BRME1: variants seen among roughly 807,000 people sequenced by gnomAD.
The protein encoded by BRME1 is BRCA2 and MEILB2-associating protein 1.
A neutral mutation model predicts 52.6 loss-of-function variants in BRME1; 31 were observed. The ratio of observed to expected loss-of-function variants is 0.59; its 90% CI spans 0.44 to 0.80. BRME1 has a LOEUF of 0.80. Ranked by LOEUF, BRME1 falls within the 30% of genes least tolerant of loss-of-function variation. BRME1 has a pLI of 0.00. For synonymous variants in BRME1, 359 were observed against 353.6 expected (o/e 1.02, Z -0.17); for missense variants, 804 against 860.3 (o/e 0.93, Z 0.82).
intron 2 of BRME1, among the ~76,000 whole-genome samples, chr19:13,900,527 C>A (rs1376423718): frequency 2.0e-5 from 3 of 152,190 alleles, no homozygotes; most frequent in Non-Finnish European, 4.4e-5. Context: ...TCTCCTGTCC[C>A]ATATCTTGGG....
chr19:13,904,771 A>G, intron 2 of BRME1, 91 bp downstream of exon 2: 1 of 1,344,352 alleles, frequency 7.4e-7, no homozygotes, highest in East Asian at 2.3e-5. Flanking sequence ...AGGTTAAGGC[A>G]GTCGTGTTAG....
At chr19:13,891,375 C>T (rs150203313) in intron 5 of BRME1, among the ~76,000 whole-genome samples, 2 of 152,126 alleles carry the variant, frequency 1.3e-5, no homozygotes, top group East Asian at 3.9e-4. Flanking sequence ...TCTCAAACTA[C>T]AGACCTCAGG....
intron 4 of BRME1, 32 bp downstream of exon 4, chr19:13,893,110 T>C: frequency 6.4e-7 from 1 of 1,568,964 alleles, no homozygotes; most frequent in Non-Finnish European, 8.7e-7. Context: ...CAGTGGTGCT[T>C]CTATATCCAC....
intron 7 of BRME1, 105 bp downstream of exon 7, chr19:13,885,856 C>T (rs920237643): frequency 1.3e-5 from 12 of 935,250 alleles, no homozygotes; most frequent in Middle Eastern, 2.3e-4. Context: ...CTGAGGAAGT[C>T]GAGGCCCAGG....
chr19:13,883,012 CCGCGCCTCA>C lies in BRME1; in HGVS notation c.1857-69_1857-61del. ...AGTGGTCACCAGGTGACAGAGGGGG[CCGCGCCTCA>C]CAGCCACATGGTCACCAATGACTCA... On this transcript the variant is annotated intron_variant, in intron 8 of 8. Coordinates refer to ENST00000586783, the MANE Select transcript of BRME1 (RefSeq NM_001345843.2). The surrounding 1 kb of genome is among the most constrained non-coding windows in gnomAD (Gnocchi z 4.2). 6.4e-7 allele frequency: 1 copy of C among 1,568,776 alleles called. No individual in the cohort carries two copies. Among genetic ancestry groups the C allele is most frequent in the Non-Finnish European group, 8.6e-7 (1 of 1,157,998 alleles).
intron 3 of BRME1, among the ~76,000 whole-genome samples, chr19:13,893,901 A>G (rs962487587): frequency 6.9e-6 from 1 of 144,616 alleles, no homozygotes; most frequent in Admixed American, 6.8e-5. Flanking sequence ...TGGGTGACAG[A>G]GCAAGACCCT....
intron 2 of BRME1, among the ~76,000 whole-genome samples, chr19:13,903,493 TGA>T (rs1458853929): frequency 1.3e-5 from 2 of 152,028 alleles, no homozygotes; most frequent in Non-Finnish European, 2.9e-5. Context: ...GCCAACATTG[TGA>T]AACCCTATCC....
In BRME1 at chr19:13,890,404, A is replaced by G; in HGVS notation, c.452T>C (p.Leu151Pro). Residue 151 changes from leucine (L) to proline (P), a missense_variant, in exon 6 of 9, where the codon CTG becomes CCG. By Grantham distance (98) the Leu-to-Pro change is moderately conservative. Coordinates refer to ENST00000586783, the MANE Select transcript of BRME1 (RefSeq NM_001345843.2). ...CGTGGCCTCCTGGAGGGGGACCCCCAGGGTCTCCACTAGCAGCTGGCATCC... is the reference window on the plus strand; with the variant it reads ...CGTGGCCTCCTGGAGGGGGACCCCCGGGGTCTCCACTAGCAGCTGGCATCC... ...SPGCQLLVET[L>P]GVPLQEATEL... is the part of the protein sequence containing the mutation. 6.6e-7 allele frequency: 1 copy of G among 1,524,522 alleles called. No individual in the cohort carries two copies. Among genetic ancestry groups the G allele is most frequent in the Non-Finnish European group, 8.7e-7 (1 of 1,143,550 alleles). 94.4% of individuals were successfully genotyped at this position (1,524,522 alleles called of 1,614,324 possible). A position where few individuals can be genotyped will look rare whatever the true frequency, so the allele number is the denominator to read the frequency against.
chr19:13,904,566 C>T (rs1389531862), intron 2 of BRME1, among the ~76,000 whole-genome samples: 1 of 151,970 alleles, frequency 6.6e-6, no homozygotes, highest in Non-Finnish European at 1.5e-5. Context: ...CTCAGTCTCC[C>T]GAGTAGGTGG....
At chr19:13,889,124 G>C in intron 6 of BRME1, 64 bp downstream of exon 6, 1 of 1,429,964 alleles carries the variant, frequency 7.0e-7, no homozygotes, top group Non-Finnish European at 9.4e-7. Context: ...GAGTGAGGAG[G>C]GGGCTTGTGG....
chr19:13,885,903 C>T (rs1488196440), intron 7 of BRME1, 58 bp downstream of exon 7: 4 of 1,492,592 alleles, frequency 2.7e-6, no homozygotes, highest in African/African-American at 1.4e-5. Flanking sequence ...CATCTGTCAC[C>T]CTCCTTGGTA....
At chr19:13,889,153 G>A in intron 6 of BRME1, 35 bp downstream of exon 6, 1 of 1,520,428 alleles carries the variant, frequency 6.6e-7, no homozygotes, top group Non-Finnish European at 8.8e-7. Context: ...TGCCTGCCCT[G>A]GGCAGGTATG....
At chr19:13,896,466 T>C (rs1412369091) in intron 2 of BRME1, among the ~76,000 whole-genome samples, 1 of 146,658 alleles carries the variant, frequency 6.8e-6, no homozygotes, top group Admixed American at 7.0e-5. Context: ...TTATATTATA[T>C]ATTTATATAT....
At position 13,890,280 on chromosome 19, in the gene BRME1, A is replaced by C. The variant is rs142863596; in HGVS notation, c.576T>G (p.Asp192Glu). Residue 192 changes from aspartate (D) to glutamate (E), a missense_variant, in exon 6 of 9, where the codon GAT becomes GAG. Physicochemically the swap from Asp to Glu is conservative, Grantham distance 45. Transcript: ENST00000586783. Reference sequence around the variant, plus strand: ...ACCCCGTCCCCCTGTCTGGAGGGTCATCAGGCTGAGAATCCCCACTGCCGG... The same window carrying C: ...ACCCCGTCCCCCTGTCTGGAGGGTCCTCAGGCTGAGAATCCCCACTGCCGG... ...AVPGSGDSQP[D>E]DPPDRGTGLS... The C allele has an allele frequency of 1.8e-4, 289 of 1,612,898 alleles. No individual in the cohort carries two copies. Among genetic ancestry groups the C allele is most frequent in the Non-Finnish European group, 2.3e-4 (271 of 1,179,326 alleles).
Position 13,882,957 on chromosome 19 carries a change from G to C in BRME1, c.1857-5C>G, listed in dbSNP as rs777115092. On this transcript the variant is annotated splice_region_variant and splice_polypyrimidine_tract_variant and intron_variant, in intron 8 of 8. Transcript: ENST00000586783. ...TGGGTGCCCATGATCAGCCGGCTGTGGGGGAAACACAGGCATGCGTGTGGG... is the reference window on the plus strand; with the variant it reads ...TGGGTGCCCATGATCAGCCGGCTGTCGGGGAAACACAGGCATGCGTGTGGG... The C allele has an allele frequency of 1.2e-6, 2 of 1,611,600 alleles. No individual in the cohort carries two copies. The highest frequency in any genetic ancestry group is 2.7e-5 in the African/African-American group (2 of 74,762).
chr19:13,886,393 C>A (rs1969024134), intron 6 of BRME1, among the ~76,000 whole-genome samples: 1 of 152,240 alleles, frequency 6.6e-6, no homozygotes. Context: ...GACACCACTG[C>A]AGTCTCCTGC....
At chr19:13,899,739 G>T (rs897260717) in intron 2 of BRME1, among the ~76,000 whole-genome samples, 2 of 152,150 alleles carry the variant, frequency 1.3e-5, no homozygotes, top group African/African-American at 4.8e-5. Context: ...AGTGGCTCAT[G>T]CCTGTAATCT....
At chr19:13,904,582 C>G (rs1283931154) in intron 2 of BRME1, among the ~76,000 whole-genome samples, 1 of 152,028 alleles carries the variant, frequency 6.6e-6, no homozygotes, top group Non-Finnish European at 1.5e-5. Context: ...GGTGGGACTA[C>G]AGGCATGTGC....
chr19:13,886,086 G>C (rs750645566), intron 6 of BRME1, 31 bp from the exon 7 acceptor site: 1 of 1,599,986 alleles, frequency 6.3e-7, no homozygotes, highest in Admixed American at 1.7e-5. Context: ...GTGAGTGGTC[G>C]AGGCCTGGGT....
Sources: allele counts gnomAD v4.1 joint callset (sites outside exome capture counted in the v4.1 genomes callset), GRCh38; gene constraint gnomAD v4.1.1; non-coding constraint Gnocchi (gnomAD v3.1); transcripts MANE v1.5; gene names NCBI Gene and HGNC (gene_info 2026-07-23, HGNC 2026-07-21).